CHODL: variants seen among roughly 807,000 people sequenced by gnomAD.
CHODL encodes the protein chondrolectin, also known as transmembrane protein MT75.
CHODL carries 29 observed loss-of-function variants against 34.5 expected under a neutral mutation model. The ratio of observed to expected loss-of-function variants is 0.84; its 90% CI spans 0.63 to 1.15. The LOEUF is 1.15. CHODL is among the 50% of genes most tolerant of loss of function. CHODL has a pLI of 0.00. For missense variants in CHODL, 332 were observed against 332.5 expected, an observed-to-expected ratio of 1.00 and a Z score of 0.01; for synonymous variants, 125 against 116.1, an observed-to-expected ratio of 1.08 and a Z score of -0.49.
chr21:18,245,488 GA>G, intron 1 of CHODL, among the ~76,000 whole-genome samples, 186 bp downstream of exon 1: 1 of 152,318 alleles, frequency 6.6e-6, no homozygotes, highest in South Asian at 2.1e-4. Context: ...CACACACGCA[GA>G]AAAGTTTAAA....
intron 2 of CHODL, among the ~76,000 whole-genome samples, chr21:18,209,596 ACT>A (rs1249965280): frequency 6.6e-6 from 1 of 151,990 alleles, no homozygotes; most frequent in East Asian, 1.9e-4. Flanking sequence ...GCTGAAGGAC[ACT>A]CTCCACATAA....
At chr21:18,065,414 T>C (rs1372614825) in intron 2 of CHODL, among the ~76,000 whole-genome samples, 1 of 152,204 alleles carries the variant, frequency 6.6e-6, no homozygotes, top group Non-Finnish European at 1.5e-5. Flanking sequence ...TACATGCTCG[T>C]CTGTGATTAA....
chr21:17,982,482 C>A (rs2063721680), intron 1 of CHODL, among the ~76,000 whole-genome samples: 1 of 151,534 alleles, frequency 6.6e-6, no homozygotes, highest in African/African-American at 2.4e-5. Flanking sequence ...GAAGTGATAC[C>A]CAGTTAAAAA....
intron 2 of CHODL, among the ~76,000 whole-genome samples, chr21:18,079,345 A>G (rs562563083): frequency 6.7e-6 from 1 of 150,242 alleles, no homozygotes; most frequent in African/African-American, 2.4e-5. Context: ...TACGGTATAT[A>G]TATACCATAG....
chr21:18,263,674 G>T (rs933767714), intron 5 of CHODL, among the ~76,000 whole-genome samples: 1 of 152,266 alleles, frequency 6.6e-6, no homozygotes, highest in African/African-American at 2.4e-5. Flanking sequence ...GAGCATGTTT[G>T]CTAGAATAAA....
At chr21:18,094,068 GTTATAC>G (rs373093916) in intron 2 of CHODL, among the ~76,000 whole-genome samples, 1 of 152,178 alleles carries the variant, frequency 6.6e-6, no homozygotes, top group East Asian at 1.9e-4. Context: ...AAGCAATAGT[GTTATAC>G]TTATTCAGAC....
chr21:18,088,309 A>T (rs2065031889), intron 2 of CHODL, among the ~76,000 whole-genome samples: 1 of 152,162 alleles, frequency 6.6e-6, no homozygotes, highest in Non-Finnish European at 1.5e-5. Context: ...GGTCACTTCC[A>T]GGGGTGTGTG....
At chr21:18,001,602 A>T (rs887140608) in intron 1 of CHODL, among the ~76,000 whole-genome samples, 1 of 152,208 alleles carries the variant, frequency 6.6e-6, no homozygotes, top group African/African-American at 2.4e-5. Flanking sequence ...CCCCGTTTAC[A>T]CTATATTACA....
chr21:18,051,415 T>A (rs989642721), intron 2 of CHODL, among the ~76,000 whole-genome samples: 56 of 151,940 alleles, frequency 3.7e-4, no homozygotes, highest in African/African-American at 1.2e-3. Flanking sequence ...TTTTTTTTTT[T>A]TTATTTTTTC....
intron 2 of CHODL, among the ~76,000 whole-genome samples, chr21:18,201,174 T>G (rs1212203392): frequency 1.3e-5 from 2 of 152,206 alleles, no homozygotes; most frequent in Non-Finnish European, 2.9e-5. Context: ...GGCTATCGGA[T>G]TAATGAAGCT....
intron 2 of CHODL, among the ~76,000 whole-genome samples, chr21:18,107,833 C>G (rs913638606): frequency 6.6e-6 from 1 of 152,158 alleles, no homozygotes. Flanking sequence ...GTGAGAAGTA[C>G]AATGACTATG....
chr21:18,027,975 A>G (rs939261822), intron 2 of CHODL: 1 of 152,546 alleles, frequency 6.6e-6, no homozygotes, highest in Non-Finnish European at 1.5e-5. Flanking sequence ...CAGAACTGTA[A>G]GAAATAAATT....
chr21:17,948,961 A>G (rs2043572301), intron 1 of CHODL, among the ~76,000 whole-genome samples: 1 of 152,128 alleles, frequency 6.6e-6, no homozygotes, highest in African/African-American at 2.4e-5. Flanking sequence ...AAAAATCAAA[A>G]TCAGGGCAGT....
chr21:18,214,681 G>A (rs1029165227), intron 2 of CHODL, among the ~76,000 whole-genome samples: 6 of 152,016 alleles, frequency 3.9e-5, no homozygotes, highest in African/African-American at 9.7e-5. Context: ...GACTCATCAC[G>A]TACGTCTCGA....
At chr21:17,968,955 G>A (rs979281463) in intron 1 of CHODL, among the ~76,000 whole-genome samples, 6 of 152,064 alleles carry the variant, frequency 3.9e-5, no homozygotes, top group African/African-American at 1.4e-4. Context: ...AACCATCAAT[G>A]GTTTTCTTGT....
At chr21:18,148,104 T>G (rs746924443) in intron 2 of CHODL, among the ~76,000 whole-genome samples, 17 of 152,266 alleles carry the variant, frequency 1.1e-4, no homozygotes, top group Admixed American at 5.2e-4. Context: ...TATCACAGGA[T>G]GATAATAGCA....
At chr21:18,232,952 T>TAC (rs1001192436) in intron 2 of CHODL, among the ~76,000 whole-genome samples, 21 of 139,672 alleles carry the variant, frequency 1.5e-4, no homozygotes, top group African/African-American at 5.8e-4. Context: ...GATATATATA[T>TAC]ATATATATAT....
At position 17,963,854 on chromosome 21, in the gene CHODL, C is replaced by T. The variant is rs569383129; in HGVS notation, c.-145+46454C>T. 2.5e-3 allele frequency among the ~76,000 whole-genome samples: 374 copies of T among 152,068 alleles called. 2 individuals are homozygous for T. Among genetic ancestry groups the T allele is most frequent in the African/African-American group, 7.9e-3 (327 of 41,500 alleles). On this transcript the variant is annotated intron_variant, in intron 1 of 6. Transcript: ENST00000400127. ...TGGAATCATTTTAGCCATTTATAACCCTTTACATTAATGATCACAGAAAAG... is the reference window on the plus strand; with the variant it reads ...TGGAATCATTTTAGCCATTTATAACTCTTTACATTAATGATCACAGAAAAG...
At chr21:18,102,837 A>C (rs900514740) in intron 2 of CHODL, among the ~76,000 whole-genome samples, 5 of 152,196 alleles carry the variant, frequency 3.3e-5, no homozygotes, top group Non-Finnish European at 5.9e-5. Flanking sequence ...AAACTTTAGA[A>C]AAATGGGATG....
Sources: gnomAD v4.1 joint callset for allele counts (sites outside exome capture counted in the v4.1 genomes callset) on GRCh38, gnomAD v4.1.1 for gene constraint, MANE v1.5 for transcripts, NCBI Gene and HGNC (gene_info 2026-07-23, HGNC 2026-07-21) for gene names.